MUC5B: variants seen among roughly 807,000 people sequenced by gnomAD.
MUC5B encodes mucin 5B, oligomeric mucus/gel-forming.
In MUC5B, 116 loss-of-function variants were observed where a neutral mutation model predicts 376.9. The observed-to-expected ratio is 0.31, with a 90% CI of 0.26 to 0.36. The LOEUF is 0.36. Among genes scored for constraint, MUC5B ranks in the 10% least tolerant of loss-of-function variants. MUC5B has a pLI of 1.00. For missense variants in MUC5B, 7,165 were observed against 7,769.9 expected (o/e 0.92, Z 2.93); for synonymous variants, 3,517 against 3,390.9 (o/e 1.04, Z -1.29).
chr11:1,227,963 G>A (rs540273001), intron 7 of MUC5B, among the ~76,000 whole-genome samples, 182 bp downstream of exon 7: 25 of 152,328 alleles, frequency 1.6e-4, no homozygotes, highest in African/African-American at 5.5e-4. Context: ...GGTGACGTGC[G>A]TGTTCATCAG....
rs559579356 is a variant in MUC5B, at chr11:1,232,529, C to G, written c.1923C>G (p.Pro641=). ...CGCGCTGCCACTCCATCATCAACCC[C>G]AAGCCCTTCCACTCGGTGAGAGGCT... ...AFSRCHSIIN[P]KPFHSNCMFD... Residue 641 remains proline, a synonymous_variant, in exon 16 of 49, where the codon CCC becomes CCG. Coordinates refer to ENST00000529681, the MANE Select transcript of MUC5B (RefSeq NM_002458.3). 50 of 1,610,746 alleles carry G rather than the reference C, an allele frequency of 3.1e-5. No individual in the cohort carries two copies. Among genetic ancestry groups the G allele is most frequent in the Non-Finnish European group, 3.7e-5 (44 of 1,179,118 alleles).
chr11:1,252,685 G>T, intron 32 of MUC5B, 124 bp from the exon 33 acceptor site: 2 of 1,408,518 alleles, frequency 1.4e-6, no homozygotes, highest in Non-Finnish European at 1.9e-6. Flanking sequence ...GGCTAGCATG[G>T]GGGCCGCCCT....
At chr11:1,237,762 G>C (rs1175903861) in intron 25 of MUC5B, among the ~76,000 whole-genome samples, 2 of 152,128 alleles carry the variant, frequency 1.3e-5, no homozygotes, top group Non-Finnish European at 2.9e-5. Flanking sequence ...CCAGCTACTC[G>C]GGAGGCTGAG....
chr11:1,241,545 C>G lies in MUC5B; in HGVS notation c.4665C>G (p.Pro1555=). Residue 1555 remains proline, a synonymous_variant, in exon 31 of 49, where the codon CCC becomes CCG. Coordinates refer to ENST00000529681, the MANE Select transcript of MUC5B (RefSeq NM_002458.3). The part of the protein sequence containing the change: ...KDIECQAESF[P]NWTLAQVGQK... ...TAGAGTGCCAGGCCGAGAGCTTCCCCAACTGGACCCTGGCACAGGTGGGGC... is the reference window on the plus strand; with the variant it reads ...TAGAGTGCCAGGCCGAGAGCTTCCCGAACTGGACCCTGGCACAGGTGGGGC... The G allele has an allele frequency of 6.2e-7, 1 of 1,612,650 alleles. No individual in the cohort carries two copies. Among genetic ancestry groups the G allele is most frequent in the Non-Finnish European group, 8.5e-7 (1 of 1,179,456 alleles).
Position 1,248,528 on chromosome 11 carries a change from C to T in MUC5B, c.11648C>T (p.Thr3883Met), listed in dbSNP as rs188096070. ...FTVTPSSSPGTARTPPVWIST... is the reference protein window; with the variant it reads ...FTVTPSSSPGMARTPPVWIST... ...GTCACCCCCTCCTCCAGCCCAGGGA[C>T]GGCACGCACGCCTCCAGTGTGGATC... The change falls in exon 31 of 49, where the codon ACG becomes ATG. Residue 3883 changes from threonine to methionine, a missense_variant. This residue lies in a region of MUC5B where 242 missense variants were observed against 199.0 expected (regional missense o/e 1.22). Coordinates refer to ENST00000529681, the MANE Select transcript of MUC5B (RefSeq NM_002458.3). 3.0e-3 allele frequency: 4,727 copies of T among 1,550,944 alleles called. 2 individuals carry two copies. The highest frequency in any genetic ancestry group is 2.9e-3 in the Non-Finnish European group (3,264 of 1,128,752).
At chr11:1,231,854 A>C in intron 14 of MUC5B, 142 bp from the exon 15 acceptor site, 2 of 1,196,872 alleles carry the variant, frequency 1.7e-6, no homozygotes, top group Non-Finnish European at 2.3e-6. Context: ...GCCAGGGCTT[A>C]TCTGCAGAGG....
At position 1,228,689 on chromosome 11, in the gene MUC5B, C is replaced by T. The variant is rs1412862897; in HGVS notation, c.900C>T (p.Ala300=). 2 of 1,534,618 alleles carry T rather than the reference C, an allele frequency of 1.3e-6. No homozygotes were observed. Among genetic ancestry groups the T allele is most frequent in the Admixed American group, 2.0e-5 (1 of 50,944 alleles). The change falls in exon 8 of 49, where the codon GCC becomes GCT. Residue 300 remains alanine (A), a synonymous_variant. Transcript: ENST00000529681. ...GCCGCTGCCCCACCTGCCCGTGTGC[C>T]ACCTTTGTGGAATACTCACGCCAGT... ...DLCRCPTCPC[A]TFVEYSRQCA...
At position 1,232,527 on chromosome 11, in the gene MUC5B, C is replaced by G; in HGVS notation, c.1921C>G (p.Pro641Ala). 6.2e-7 allele frequency: 1 copy of G among 1,611,150 alleles called. No homozygotes were observed. Among genetic ancestry groups the G allele is most frequent in the South Asian group, 1.1e-5 (1 of 90,570 alleles). The change falls in exon 16 of 49, where the codon CCC becomes GCC. Residue 641 changes from proline (P) to alanine (A), a missense_variant. Physicochemically the swap from Pro to Ala is conservative, Grantham distance 27. Transcript: ENST00000529681. ...AFSRCHSIIN[P>A]KPFHSNCMFD... Reference sequence around the variant, plus strand: ...CTCGCGCTGCCACTCCATCATCAACCCCAAGCCCTTCCACTCGGTGAGAGG... The same window carrying G: ...CTCGCGCTGCCACTCCATCATCAACGCCAAGCCCTTCCACTCGGTGAGAGG...
chr11:1,249,024 T>G lies in MUC5B; in HGVS notation c.12144T>G (p.Thr4048=). 6.2e-7 allele frequency: 1 copy of G among 1,605,148 alleles called. No homozygotes were observed. The highest frequency in any genetic ancestry group is 1.1e-5 in the South Asian group (1 of 90,524). Residue 4048 remains threonine, a synonymous_variant, in exon 31 of 49, where the codon ACT becomes ACG. Transcript: ENST00000529681. ...TTHITEPSTG[T]SHTPAATTGT... Reference sequence around the variant, plus strand: ...ACATCACAGAGCCTTCCACGGGGACTTCCCACACCCCAGCAGCAACCACCG... The same window carrying G: ...ACATCACAGAGCCTTCCACGGGGACGTCCCACACCCCAGCAGCAACCACCG...
rs2735722 is a variant in MUC5B, at chr11:1,235,119, C to A, written c.2665C>A (p.Arg889=). The change falls in exon 22 of 49, where the codon CGG becomes AGG. Residue 889 remains arginine (R), a synonymous_variant. Transcript: ENST00000529681. ...GAACCGGAGGTGGGAGTGCAGCCAC[C>A]GGCTCTGCCTGGGCACCTGCGTGGC... ...CRNRRWECSH[R]LCLGTCVAYG... 8 of 1,612,236 alleles carry A rather than the reference C, an allele frequency of 5.0e-6. No homozygotes were observed. The highest frequency in any genetic ancestry group is 5.9e-6 in the Non-Finnish European group (7 of 1,179,480).
Position 1,244,855 on chromosome 11 carries a change from C to A in MUC5B, c.7975C>A (p.Pro2659Thr). The A allele has an allele frequency of 1.9e-6, 3 of 1,606,918 alleles. No individual in the cohort carries two copies. Among genetic ancestry groups the A allele is most frequent in the Non-Finnish European group, 2.6e-6 (3 of 1,175,706 alleles). Reference protein sequence around the residue: ...PSSIPGTTHTPTVLTTTTTTV... With the variant: ...PSSIPGTTHTTTVLTTTTTTV... ...CTCCATCCCGGGGACCACCCACACC[C>A]CCACAGTGCTGACCACCACCACCAC... is the stretch of plus-strand genomic sequence containing the variant. Residue 2659 changes from proline to threonine, a missense_variant, in exon 31 of 49, where the codon CCC (proline) becomes ACC (threonine). Pro to Thr is a conservative substitution (Grantham distance 38, BLOSUM62 -1). This residue lies in a region of MUC5B where 141 missense variants were observed against 111.2 expected (regional missense o/e 1.27). Coordinates refer to ENST00000529681, the MANE Select transcript of MUC5B (RefSeq NM_002458.3).
rs777667133 is a variant in MUC5B, at chr11:1,258,142, G to A, written c.16494G>A (p.Pro5498=). 2.5e-5 allele frequency: 40 copies of A among 1,600,226 alleles called. No individual in the cohort carries two copies. Among genetic ancestry groups the A allele is most frequent in the East Asian group, 1.6e-4 (7 of 44,494 alleles). Residue 5498 remains proline, a synonymous_variant, in exon 42 of 49, where the codon CCG becomes CCA. Transcript: ENST00000529681. The surrounding 1 kb of genome is among the most constrained non-coding windows in gnomAD (Gnocchi z 5.5). ...GCCCCCAGAGCCTGCCTGTGTGCCC[G>A]CCAGGGCAGGAGTCCATCTGCACCC... ...TTCPQSLPVC[P]PGQESICTQE...
rs1862444336 is a variant in MUC5B at position 1,245,899 on chromosome 11, G to A, written c.9019G>A (p.Gly3007Arg). The A allele has an allele frequency of 4.3e-6, 7 of 1,612,960 alleles. No homozygotes were observed. In the East Asian group the frequency reaches 1.6e-4, roughly 36 times the overall value. The change falls in exon 31 of 49, where the codon GGA becomes AGA. Residue 3007 changes from glycine (G) to arginine (R), a missense_variant. Transcript: ENST00000529681. Reference protein sequence around the residue: ...TTAATTTATTGSTAIPSSTPG... With the variant: ...TTAATTTATTRSTAIPSSTPG... Reference sequence around the variant, plus strand: ...AGCAGCCACTACGACCGCAACCACTGGATCCACGGCCATCCCGTCCTCCAC... The same window carrying A: ...AGCAGCCACTACGACCGCAACCACTAGATCCACGGCCATCCCGTCCTCCAC...
rs752107169 is a variant in MUC5B, at chr11:1,240,913, A to G, written c.4033A>G (p.Asn1345Asp). ...REVCRWSSWYNGHRPEPGLGG... is the reference protein window; with the variant it reads ...REVCRWSSWYDGHRPEPGLGG... The stretch of plus-strand genomic sequence containing the variant: ...GGTCTGCCGCTGGTCCAGCTGGTAC[A>G]ATGGGCACCGCCCAGAGCCCGGCCT... The change falls in exon 31 of 49, where the codon AAT (asparagine) becomes GAT (aspartate). Residue 1345 changes from asparagine to aspartate, a missense_variant. Asn to Asp is a conservative substitution (Grantham distance 23). Around this residue, in one of 31 missense-constraint regions of MUC5B, gnomAD observed 517 missense variants for 545.3 expected, o/e 0.95. Transcript: ENST00000529681. The G allele has an allele frequency of 3.1e-6, 5 of 1,612,748 alleles. No individual in the cohort carries two copies. The African/African-American group carries it at 5.3e-5, about 17-fold the overall frequency.
At position 1,243,116 on chromosome 11, in the gene MUC5B, C is replaced by A. The variant is rs201952503; in HGVS notation, c.6236C>A (p.Thr2079Lys). Reference protein sequence around the residue: ...TALTPPVWISTTTTPTTRGST... With the variant: ...TALTPPVWISKTTTPTTRGST... Reference sequence around the variant, plus strand: ...CTCACGCCTCCAGTGTGGATCAGCACAACCACCACACCCACAACCAGAGGC... The same window carrying A: ...CTCACGCCTCCAGTGTGGATCAGCAAAACCACCACACCCACAACCAGAGGC... Residue 2079 changes from threonine to lysine, a missense_variant, in exon 31 of 49, where the codon ACA becomes AAA. Physicochemically the swap from Thr to Lys is moderately conservative, Grantham distance 78 (BLOSUM62 -1). This residue lies in a region of MUC5B where 897 missense variants were observed against 779.6 expected (regional missense o/e 1.15). Coordinates refer to ENST00000529681, the MANE Select transcript of MUC5B (RefSeq NM_002458.3). 1,354 of 1,610,496 alleles carry A rather than the reference C, an allele frequency of 8.4e-4. 3 individuals carry two copies. The highest frequency in any genetic ancestry group is 1.0e-3 in the Non-Finnish European group (1,211 of 1,178,420).
chr11:1,248,429 T>C lies in MUC5B; in HGVS notation c.11549T>C (p.Val3850Ala). The change falls in exon 31 of 49, where the codon GTG becomes GCG. Residue 3850 changes from valine to alanine, a missense_variant. By Grantham distance (64) the Val-to-Ala change is moderately conservative (BLOSUM62 0). Coordinates refer to ENST00000529681, the MANE Select transcript of MUC5B (RefSeq NM_002458.3). ...TATTTRATGS[V>A]ATPSSTPGTA... ...ACCACAACCAGGGCCACCGGCTCTG[T>C]GGCCACCCCCTCTTCCACCCCAGGA... 6.2e-7 allele frequency: 1 copy of C among 1,605,632 alleles called. No homozygotes were observed. The highest frequency in any genetic ancestry group is 8.5e-7 in the Non-Finnish European group (1 of 1,176,864).
At position 1,251,715 on chromosome 11, in the gene MUC5B, C is replaced by T; in HGVS notation, c.14835C>T (p.Cys4945=). The change falls in exon 31 of 49, where the codon TGC becomes TGT. Residue 4945 remains cysteine, a synonymous_variant. Coordinates refer to ENST00000529681, the MANE Select transcript of MUC5B (RefSeq NM_002458.3). ...PSSHFSTPCF[C]RAFGQFFSPG... ...CCCACTTCTCTACTCCCTGCTTCTGCAGGGCATTTGGACAGTTTTTCTCGC... is the reference window on the plus strand; with the variant it reads ...CCCACTTCTCTACTCCCTGCTTCTGTAGGGCATTTGGACAGTTTTTCTCGC... The T allele has an allele frequency of 6.2e-7, 1 of 1,608,810 alleles. No individual in the cohort carries two copies. The highest frequency in any genetic ancestry group is 8.5e-7 in the Non-Finnish European group (1 of 1,177,070).
rs745866742 is a variant in MUC5B at position 1,248,652 on chromosome 11, A to C, written c.11772A>C (p.Thr3924=). ...HTPTVLTTTT[T]TVATGSMATP... ...CCACAGTGCTGACCACCACCACCACAACTGTGGCCACTGGTTCTATGGCAA... is the reference window on the plus strand; with the variant it reads ...CCACAGTGCTGACCACCACCACCACCACTGTGGCCACTGGTTCTATGGCAA... The change falls in exon 31 of 49, where the codon ACA becomes ACC. Residue 3924 remains threonine, a synonymous_variant. Coordinates refer to ENST00000529681, the MANE Select transcript of MUC5B (RefSeq NM_002458.3). 8.1e-6 allele frequency: 13 copies of C among 1,598,588 alleles called. No homozygotes were observed. The South Asian group carries it at 1.4e-4, about 18-fold the overall frequency.
At position 1,257,533 on chromosome 11, in the gene MUC5B, G is replaced by C; in HGVS notation, c.16273G>C (p.Gly5425Arg). The change falls in exon 41 of 49, where the codon GGG becomes CGG. Residue 5425 changes from glycine (G) to arginine (R), a missense_variant. Physicochemically the swap from Gly to Arg is moderately radical, Grantham distance 125. Around this residue, in one of 31 missense-constraint regions of MUC5B, gnomAD observed 842 missense variants for 1,016.9 expected, o/e 0.83. Transcript: ENST00000529681. This position sits in a 1 kb window ranked among gnomAD's most constrained non-coding sequence, Gnocchi z 8.9. ...VGPDGFPKFP[G>R]ERWVSNCQSC... ...GGACCCCCTTGATCCATTCCAGCCC[G>C]GGGAGCGGTGGGTCAGCAACTGCCA... The C allele has an allele frequency of 6.2e-7, 1 of 1,608,152 alleles. No homozygotes were observed. The highest frequency in any genetic ancestry group is 1.1e-5 in the South Asian group (1 of 91,024).
Sources: allele counts gnomAD v4.1 joint callset (sites outside exome capture counted in the v4.1 genomes callset), GRCh38; gene constraint gnomAD v4.1.1; regional missense constraint gnomAD v4.1.1; non-coding constraint Gnocchi (gnomAD v3.1); transcripts MANE v1.5; gene names NCBI Gene and HGNC (gene_info 2026-07-23, HGNC 2026-07-21).